BCOR: variants seen among roughly 807,000 people sequenced by gnomAD.
The protein encoded by BCOR is BCL-6 corepressor.
In BCOR, 10 loss-of-function variants were observed where a neutral mutation model predicts 86.7. That is an observed-to-expected ratio of 0.12 (90% confidence interval 0.07 to 0.20). The LOEUF is 0.20. BCOR is among the 10% of genes least tolerant of loss of function. The pLI is 1.00. For missense variants in BCOR, 1,259 were observed against 1,452.1 expected (o/e 0.87, Z 2.16); for synonymous variants, 611 against 609.0 (o/e 1.00, Z -0.05).
chrX:40,063,575 G>C (rs370373788), intron 8 of BCOR, 33 bp downstream of exon 8: 6 of 1,127,818 alleles, frequency 5.3e-6, no homozygotes, highest in Admixed American at 2.2e-5. Context: ...CTCCAGGAGC[G>C]GGGTGAACAC....
rs1221840800 is a variant in BCOR, at chrX:40,088,292, ACTAC to A, written c.-41+8919_-41+8922del. On this transcript the variant is annotated intron_variant, in intron 1 of 14. Coordinates refer to ENST00000378444, the MANE Select transcript of BCOR (RefSeq NM_001123385.2). ...GCAGTAAGGCGCATCTTGTCCATAC[ACTAC>A]CTTTAAAATCGTGCGCTAAAATCGG... Among the ~76,000 whole-genome samples, 17 of 112,789 alleles carry A rather than the reference ACTAC, an allele frequency of 1.5e-4. 1 individual carries two copies. In the East Asian group the frequency reaches 4.7e-3, roughly 31 times the overall value.
intron 1 of BCOR, among the ~76,000 whole-genome samples, chrX:40,094,549 A>G (rs1053707918): frequency 2.7e-5 from 3 of 113,006 alleles, no homozygotes; most frequent in African/African-American, 9.6e-5. Flanking sequence ...TCCTATTTTT[A>G]TCTTGTCTAA....
At chrX:40,104,804 G>A (rs1158012951) in intron 1 of BCOR, among the ~76,000 whole-genome samples, 1 of 112,965 alleles carries the variant, frequency 8.9e-6, no homozygotes, top group Non-Finnish European at 1.9e-5. Flanking sequence ...CGCGGTCTAA[G>A]CTCCGAGCAA....
At chrX:40,056,281 TAAAAA>T (rs60712024) in intron 11 of BCOR, among the ~76,000 whole-genome samples, 3 of 61,449 alleles carry the variant, frequency 4.9e-5, no homozygotes, top group Non-Finnish European at 5.8e-5. Context: ...TGTCACACAT[TAAAAA>T]AAAAAAAAAA....
chrX:40,076,540 A>G lies in BCOR; in HGVS notation c.87-8T>C. 5.2e-6 allele frequency: 6 copies of G among 1,159,209 alleles called. No homozygotes were observed. The highest frequency in any genetic ancestry group is 7.1e-6 in the Non-Finnish European group (6 of 848,782). ...TCATTTACAAGGATTTTCCTATTTA[A>G]AAAGATACACCAACTTCATGAAAGC... is the stretch of plus-strand genomic sequence containing the variant. On this transcript the variant is annotated splice_polypyrimidine_tract_variant and splice_region_variant and intron_variant, in intron 2 of 14. Coordinates refer to ENST00000378444, the MANE Select transcript of BCOR (RefSeq NM_001123385.2).
chrX:40,117,003 C>T (rs1362714192), intron 1 of BCOR, among the ~76,000 whole-genome samples: 4 of 111,346 alleles, frequency 3.6e-5, no homozygotes, highest in Non-Finnish European at 5.7e-5. Context: ...GCACCGGGAC[C>T]CCTGCTTGCA....
intron 1 of BCOR, among the ~76,000 whole-genome samples, chrX:40,104,074 C>CG (rs1345857170): frequency 9.0e-6 from 1 of 111,398 alleles, no homozygotes; most frequent in East Asian, 2.8e-4. Context: ...GGCTTTCTCG[C>CG]GGGGGGCAGG....
rs1212889332 is a variant in BCOR at position 40,094,091 on chromosome X, A to G, written c.-41+3124T>C. Among the ~76,000 whole-genome samples the G allele has an allele frequency of 2.7e-5, 3 of 111,344 alleles. No individual in the cohort carries two copies. In the South Asian group the frequency reaches 1.1e-3, roughly 43 times the overall value. ...TACTCTGCCTCCAGGAATTTCCACT[A>G]GGCTCTTTGCCCCCCTTTCCCTATT... On this transcript the variant is annotated intron_variant, in intron 1 of 14. Transcript: ENST00000378444.
chrX:40,100,723 A>AG (rs1313164929), upstream of BCOR, among the ~76,000 whole-genome samples: 1 of 108,633 alleles, frequency 9.2e-6, no homozygotes, highest in Non-Finnish European at 1.9e-5. Flanking sequence ...GAAAAGAAAA[A>AG]GAAAAAAAAA....
intron 1 of BCOR, among the ~76,000 whole-genome samples, chrX:40,158,743 A>C (rs894190457): frequency 3.6e-5 from 4 of 112,615 alleles, no homozygotes; most frequent in Non-Finnish European, 7.5e-5. Context: ...TTTGAGAGTT[A>C]CCACGGTTTA....
At chrX:40,140,991 C>A (rs895491097) in intron 1 of BCOR, among the ~76,000 whole-genome samples, 1 of 112,905 alleles carries the variant, frequency 8.9e-6, no homozygotes, top group Non-Finnish European at 1.9e-5. Context: ...CGTCTTGACC[C>A]ATTGGCAACC....
intron 13 of BCOR, 42 bp from the exon 14 acceptor site, chrX:40,054,084 C>T: frequency 1.7e-6 from 2 of 1,184,751 alleles, no homozygotes; most frequent in Non-Finnish European, 2.3e-6. Context: ...CAGTAAACTA[C>T]AGCAAGATGT....
upstream of BCOR, among the ~76,000 whole-genome samples, chrX:40,099,169 C>T (rs1937020206): frequency 9.2e-6 from 1 of 108,886 alleles, no homozygotes; most frequent in South Asian, 4.2e-4. Context: ...TCAATTGACA[C>T]GTATTGAGCT....
chrX:40,119,182 A>G (rs1411430759), intron 1 of BCOR, among the ~76,000 whole-genome samples: 1 of 110,895 alleles, frequency 9.0e-6, no homozygotes, highest in Non-Finnish European at 1.9e-5. Context: ...TTGCAAATGA[A>G]AAGAAGCCAG....
In BCOR at chrX:40,062,910, C is replaced by T. The variant is rs370685925; in HGVS notation, c.4009G>A (p.Glu1337Lys). ...NQKTDVLCAD[E>K]EEDCQAASLL... Reference sequence around the variant, plus strand: ...GAGGCAGCCTGGCAATCCTCTTCTTCGTCTGCACACAGCACATCTGTCTTC... The same window carrying T: ...GAGGCAGCCTGGCAATCCTCTTCTTTGTCTGCACACAGCACATCTGTCTTC... The change falls in exon 9 of 15, where the codon GAA becomes AAA. Residue 1337 changes from glutamate (E) to lysine (K), a missense_variant. Physicochemically the swap from Glu to Lys is moderately conservative, Grantham distance 56 (BLOSUM62 1). Around this residue, in one of 7 missense-constraint regions of BCOR, gnomAD observed 305 missense variants for 286.1 expected, o/e 1.07. Coordinates refer to ENST00000378444, the MANE Select transcript of BCOR (RefSeq NM_001123385.2). 20 of 1,208,868 alleles carry T rather than the reference C, an allele frequency of 1.7e-5. No individual in the cohort carries two copies. Among genetic ancestry groups the T allele is most frequent in the Admixed American group, 4.4e-5 (2 of 45,770 alleles).
chrX:40,114,150 C>T (rs1937357473), intron 1 of BCOR, among the ~76,000 whole-genome samples: 1 of 112,217 alleles, frequency 8.9e-6, no homozygotes, highest in African/African-American at 3.2e-5. Flanking sequence ...TATATCCTGG[C>T]TAGAGAAGAA....
At chrX:40,143,220 C>CTGTG (rs745604370) in intron 1 of BCOR, among the ~76,000 whole-genome samples, 20 of 109,675 alleles carry the variant, frequency 1.8e-4, no homozygotes, top group Admixed American at 4.8e-4. Flanking sequence ...TGCTGTGTGT[C>CTGTG]TGTGTGTGTG....
chrX:40,099,613 C>A (rs1937033282), upstream of BCOR, among the ~76,000 whole-genome samples: 1 of 112,162 alleles, frequency 8.9e-6, no homozygotes, highest in Non-Finnish European at 1.9e-5. Flanking sequence ...ATTACTAAGT[C>A]AAGGTCAAGG....
In BCOR at chrX:40,172,413, AAG is replaced by A. The variant is rs1938645508; in HGVS notation, c.-41+4592_-41+4593del. On this transcript the variant is annotated intron_variant, in intron 1 of 14. Coordinates refer to the BCOR transcript ENST00000342274. ...AGCGTGCGCGCAGACCTTGGGGGGAAAGAGGGCAGCGCGGTCTCCCCGACCCG... is the reference window on the plus strand; with the variant it reads ...AGCGTGCGCGCAGACCTTGGGGGGAAAGGGCAGCGCGGTCTCCCCGACCCG... Among the ~76,000 whole-genome samples, 10 of 112,956 alleles carry A rather than the reference AAG, an allele frequency of 8.9e-5. No individual in the cohort carries two copies. The South Asian group carries it at 3.6e-3, about 40-fold the overall frequency.
Sources: allele counts gnomAD v4.1 joint callset (sites outside exome capture counted in the v4.1 genomes callset), GRCh38; gene constraint gnomAD v4.1.1; regional missense constraint gnomAD v4.1.1; transcripts MANE v1.5; gene names NCBI Gene and HGNC (gene_info 2026-07-23, HGNC 2026-07-21).